Variants in SOX5 observed in about 807,000 individuals in gnomAD.
The protein encoded by SOX5 is SRY-box transcription factor 5.
In SOX5, 9 loss-of-function variants were observed where a neutral mutation model predicts 92.0. The ratio of observed to expected loss-of-function variants is 0.10; its 90% CI spans 0.06 to 0.17. The LOEUF (loss-of-function observed/expected upper bound fraction) is 0.17. Ranked by LOEUF, SOX5 falls within the 10% of genes least tolerant of loss-of-function variation. SOX5 has a pLI of 1.00. For missense variants in SOX5, 642 were observed against 944.5 expected, an observed-to-expected ratio of 0.68 and a Z score of 4.20; for synonymous variants, 344 against 336.3, an observed-to-expected ratio of 1.02 and a Z score of -0.25.
intron 1 of SOX5, among the ~76,000 whole-genome samples, chr12:23,900,757 C>T (rs958033604): frequency 9.2e-5 from 14 of 152,052 alleles, no homozygotes; most frequent in Admixed American, 2.0e-4. Flanking sequence ...GGGTGGATCA[C>T]GAGGTCAGCC....
chr12:23,703,935 A>G (rs1359846874), intron 6 of SOX5, among the ~76,000 whole-genome samples: 1 of 152,022 alleles, frequency 6.6e-6, no homozygotes, highest in Non-Finnish European at 1.5e-5. Flanking sequence ...AGTTTAATGT[A>G]TAGATACTCC....
At chr12:24,349,794 T>TAC (rs142626959) in intron 2 of SOX5, among the ~76,000 whole-genome samples, 193 of 152,326 alleles carry the variant, frequency 1.3e-3, no homozygotes, top group African/African-American at 4.5e-3. Flanking sequence ...TGGAGATATA[T>TAC]ACACAGAAGG....
chr12:23,541,587 C>T (rs756105843), intron 13 of SOX5, among the ~76,000 whole-genome samples: 1 of 152,136 alleles, frequency 6.6e-6, no homozygotes, highest in Non-Finnish European at 1.5e-5. Flanking sequence ...ATGTGTATTT[C>T]CTCTTGATCA....
At chr12:23,831,564 A>G (rs967018392) in intron 3 of SOX5, among the ~76,000 whole-genome samples, 1 of 152,102 alleles carries the variant, frequency 6.6e-6, no homozygotes, top group African/African-American at 2.4e-5. Context: ...GCCACCATAC[A>G]TACCTTTTGA....
chr12:24,164,998 A>G (rs1332167930), intron 4 of SOX5, among the ~76,000 whole-genome samples: 9 of 152,064 alleles, frequency 5.9e-5, no homozygotes, highest in Non-Finnish European at 1.2e-4. Context: ...GCATTTTTTT[A>G]GTATACAGGA....
intron 3 of SOX5, among the ~76,000 whole-genome samples, chr12:23,790,952 T>G (rs554504780): frequency 2.6e-5 from 4 of 152,336 alleles, no homozygotes; most frequent in Admixed American, 6.5e-5. Flanking sequence ...ATTGGCAAAT[T>G]GGCATTTCAA....
At chr12:24,270,072 C>CT (rs71059997) in intron 3 of SOX5, among the ~76,000 whole-genome samples, 1 of 151,214 alleles carries the variant, frequency 6.6e-6, no homozygotes, top group African/African-American at 2.4e-5. Flanking sequence ...AACTCTTTTT[C>CT]TTTTTTTGAG....
At chr12:24,372,296 C>T (rs1956818345) in intron 1 of SOX5, among the ~76,000 whole-genome samples, 1 of 152,126 alleles carries the variant, frequency 6.6e-6, no homozygotes, top group African/African-American at 2.4e-5. Context: ...CCCCAGCCCC[C>T]AACAGGCCCC....
chr12:24,543,824 C>T (rs566508220), intron 1 of SOX5, among the ~76,000 whole-genome samples: 1 of 152,200 alleles, frequency 6.6e-6, no homozygotes, highest in South Asian at 2.1e-4. Flanking sequence ...ATGGAAAGAT[C>T]ATTTGTACGT....
intron 8 of SOX5, among the ~76,000 whole-genome samples, chr12:23,640,548 G>A (rs2079918832): frequency 6.6e-6 from 1 of 152,144 alleles, no homozygotes; most frequent in South Asian, 2.1e-4. Context: ...ATGGCACGCA[G>A]TAATCAAAGC....
chr12:23,863,594 G>A (rs984289009), intron 2 of SOX5, among the ~76,000 whole-genome samples: 1 of 151,886 alleles, frequency 6.6e-6, no homozygotes, highest in African/African-American at 2.4e-5. Context: ...TTTAAAGTTT[G>A]TTTTATCCCT....
intron 9 of SOX5, among the ~76,000 whole-genome samples, chr12:23,599,830 C>T (rs1001064278): frequency 1.3e-5 from 2 of 152,170 alleles, no homozygotes; most frequent in African/African-American, 4.8e-5. Context: ...AAGCCTGATA[C>T]TGATTCCATT....
chr12:24,203,291 C>T lies in SOX5; in HGVS notation c.-2+10052G>A, dbSNP rs201798440. On this transcript the variant is annotated intron_variant, in intron 4 of 4. Transcript: ENST00000446891. Reference sequence around the variant, plus strand: ...TCATTGTTTACTCCTTCCCTACTTTCTGGGACCAAAAGATGTTCCAGACTT... The same window carrying T: ...TCATTGTTTACTCCTTCCCTACTTTTTGGGACCAAAAGATGTTCCAGACTT... 5.3e-5 allele frequency among the ~76,000 whole-genome samples: 8 copies of T among 152,312 alleles called. No individual in the cohort carries two copies. The East Asian group carries it at 1.5e-3, about 29-fold the overall frequency.
intron 2 of SOX5, among the ~76,000 whole-genome samples, chr12:24,337,727 G>A (rs1952070548): frequency 1.3e-5 from 2 of 152,178 alleles, no homozygotes; most frequent in Admixed American, 1.3e-4. Flanking sequence ...AAAATAATCA[G>A]TTTTAAGAGT....
chr12:23,740,717 G>T, intron 5 of SOX5, 150 bp downstream of exon 5: 1 of 633,068 alleles, frequency 1.6e-6, no homozygotes, highest in Non-Finnish European at 2.5e-6. Flanking sequence ...GTGGGTTTTT[G>T]TTTTGTTTTG....
intron 1 of SOX5, among the ~76,000 whole-genome samples, chr12:23,929,529 C>T (rs1014314385): frequency 6.6e-6 from 1 of 151,406 alleles, no homozygotes; most frequent in African/African-American, 2.4e-5. Flanking sequence ...GTGTCCAATA[C>T]AGAAAAGAGA....
intron 1 of SOX5, among the ~76,000 whole-genome samples, chr12:24,387,751 A>C (rs575887915): frequency 3.9e-4 from 60 of 152,348 alleles, no homozygotes; most frequent in Admixed American, 6.5e-4. Context: ...TTAAGTAGGC[A>C]AATTTTATTT....
At chr12:24,495,524 C>T (rs910376114) in intron 1 of SOX5, among the ~76,000 whole-genome samples, 1 of 152,132 alleles carries the variant, frequency 6.6e-6, no homozygotes, top group Non-Finnish European at 1.5e-5. Flanking sequence ...TGCAAAGTAT[C>T]AACCAATAAC....
chr12:24,192,720 G>A (rs1376003486), intron 4 of SOX5, among the ~76,000 whole-genome samples: 1 of 152,160 alleles, frequency 6.6e-6, no homozygotes, highest in Non-Finnish European at 1.5e-5. Flanking sequence ...GGCTCAGATA[G>A]AAATTTACCA....
Sources: allele counts gnomAD v4.1 joint callset (sites outside exome capture counted in the v4.1 genomes callset), GRCh38; gene constraint gnomAD v4.1.1; transcripts MANE v1.5; gene names NCBI Gene and HGNC (gene_info 2026-07-23, HGNC 2026-07-21).